FAAP100: variants seen among roughly 807,000 people sequenced by gnomAD.
FAAP100 encodes the protein FA core complex associated protein 100, also known as Fanconi anemia core complex-associated protein 100.
In FAAP100, 46 loss-of-function variants were observed where a neutral mutation model predicts 65.8. The ratio of observed to expected loss-of-function variants is 0.70; its 90% CI spans 0.55 to 0.89. The LOEUF (loss-of-function observed/expected upper bound fraction) is 0.89, where lower values mean the gene tolerates loss of function less well. FAAP100 is among the 40% of genes least tolerant of loss of function. FAAP100 has a pLI of 0.00. For missense variants in FAAP100, 1,165 were observed against 1,196.7 expected (o/e 0.97, Z 0.39); for synonymous variants, 663 against 555.1 (o/e 1.19, Z -2.73).
chr17:81,551,546 G>T (rs981243807), intron 2 of FAAP100, among the ~76,000 whole-genome samples: 2 of 152,228 alleles, frequency 1.3e-5, no homozygotes, highest in African/African-American at 2.4e-5. Flanking sequence ...CCCGGAGCTC[G>T]CTTCCTTCCA....
chr17:81,550,158 A>T, intron 3 of FAAP100, 90 bp downstream of exon 3: 1 of 1,261,698 alleles, frequency 7.9e-7, no homozygotes, highest in Non-Finnish European at 1.1e-6. Context: ...GAACAAGCCC[A>T]GGAAAGGAAG....
rs770373380 is a variant in FAAP100 at position 81,544,009 on chromosome 17, T to C, written c.2422A>G (p.Met808Val). The C allele has an allele frequency of 3.7e-6, 6 of 1,611,434 alleles. No homozygotes were observed. The highest frequency in any genetic ancestry group is 2.2e-5 in the East Asian group (1 of 44,860). The change falls in exon 7 of 9, where the codon ATG becomes GTG. Residue 808 changes from methionine (M) to valine (V), a missense_variant. Met to Val is a conservative substitution (Grantham distance 21, BLOSUM62 1). Coordinates refer to ENST00000327787, the MANE Select transcript of FAAP100 (RefSeq NM_025161.6). ...TCCCCAGCGGGCCGACATACCTGCA[T>C]GCGCCCGACAACGGCATGGTGCGCC... ...CRAHHAVVGR[M>V]QTMVTEQATQ...
upstream of FAAP100, chr17:81,552,973 T>C (rs960118060): frequency 6.5e-6 from 1 of 152,820 alleles, no homozygotes; most frequent in Non-Finnish European, 1.5e-5. Context: ...GGTTTCTGGG[T>C]TGGGGGCAGA....
chr17:81,548,101 C>T (rs1568096979), intron 4 of FAAP100: 4 of 621,136 alleles, frequency 6.4e-6, no homozygotes, highest in African/African-American at 5.5e-5. Flanking sequence ...CAGTGAAAAC[C>T]AGGGGGGTCG....
At position 81,540,623 on chromosome 17, in the gene FAAP100, T is replaced by C; in HGVS notation, c.*196A>G. 1.4e-6 allele frequency: 1 copy of C among 695,920 alleles called. No individual in the cohort carries two copies. Among genetic ancestry groups the C allele is most frequent in the Non-Finnish European group, 2.1e-6 (1 of 469,608 alleles). 43.1% of individuals were successfully genotyped at this position (695,920 alleles called of 1,614,324 possible). A position where few individuals can be genotyped will look rare whatever the true frequency, so the allele number is the denominator to read the frequency against. On this transcript the variant is annotated 3_prime_UTR_variant, in exon 9 of 9. Transcript: ENST00000327787. ...GGCCAGGTTCAGAGCCCGCCTCGGT[T>C]GCTCCCAATCAGAATCTGCTTTGTG... is the stretch of plus-strand genomic sequence containing the variant.
Position 81,547,091 on chromosome 17 carries a change from C to A in FAAP100, c.1991G>T (p.Arg664Leu). 4 of 1,532,614 alleles carry A rather than the reference C, an allele frequency of 2.6e-6. No individual in the cohort carries two copies. Among genetic ancestry groups the A allele is most frequent in the Non-Finnish European group, 3.5e-6 (4 of 1,139,810 alleles). 94.9% of individuals were successfully genotyped at this position (1,532,614 alleles called of 1,614,324 possible). ...GGTGGGGCCGAGTGGGGAGGGGGCC[C>A]GTGTGTGTGGCGGGGCCAGGCCAGG... ...RFPGLAPPHT[R>L]APSPLGPTRD... is the part of the protein sequence containing the mutation. Residue 664 changes from arginine (R) to leucine (L), a missense_variant, in exon 5 of 9, where the codon CGG (arginine) becomes CTG (leucine). Arg to Leu is a moderately radical substitution (Grantham distance 102). Coordinates refer to ENST00000327787, the MANE Select transcript of FAAP100 (RefSeq NM_025161.6).
Position 81,551,925 on chromosome 17 carries a change from C to T in FAAP100, c.290+3G>A, listed in dbSNP as rs2033509874. 1.3e-6 allele frequency: 2 copies of T among 1,548,270 alleles called. No homozygotes were observed. Among genetic ancestry groups the T allele is most frequent in the South Asian group, 1.2e-5 (1 of 84,484 alleles). On this transcript the variant is annotated splice_donor_region_variant and intron_variant, in intron 2 of 8. Transcript: ENST00000327787. ...GGGAGGGAGGCCGCGGGCCCGCCCTCACCTGCTCCTGCCCGGGTGGTCCAG... is the reference window on the plus strand; with the variant it reads ...GGGAGGGAGGCCGCGGGCCCGCCCTTACCTGCTCCTGCCCGGGTGGTCCAG...
chr17:81,542,039 C>T (rs1057138244), intron 7 of FAAP100, among the ~76,000 whole-genome samples: 9 of 149,534 alleles, frequency 6.0e-5, no homozygotes, highest in East Asian at 2.0e-4. Flanking sequence ...TAGTGGCGGG[C>T]GCCTGTAGTC....
At chr17:81,545,649 C>A in intron 6 of FAAP100, 97 bp downstream of exon 6, 1 of 1,446,848 alleles carries the variant, frequency 6.9e-7, no homozygotes, top group Non-Finnish European at 9.2e-7. Context: ...GCTGCCAGGC[C>A]CCCACCCAGG....
At chr17:81,541,466 T>G (rs1188587842) in intron 7 of FAAP100, 71 bp from the exon 8 acceptor site, 1 of 1,365,080 alleles carries the variant, frequency 7.3e-7, no homozygotes, top group Non-Finnish European at 1.0e-6. Flanking sequence ...TGGAGCAGGG[T>G]GACCCTCTCC....
chr17:81,552,875 T>C (rs2033552261), upstream of FAAP100, among the ~76,000 whole-genome samples: 1 of 150,092 alleles, frequency 6.7e-6, no homozygotes, highest in African/African-American at 2.5e-5. Flanking sequence ...GCCCCCGCGT[T>C]CAGGGCCCAG....
rs2033277340 is a variant in FAAP100 at position 81,545,779 on chromosome 17, AG to A, written c.2276del (p.Pro759LeufsTer15). 1.2e-6 allele frequency: 2 copies of A among 1,612,178 alleles called. No homozygotes were observed. Among genetic ancestry groups the A allele is most frequent in the African/African-American group, 2.7e-5 (2 of 74,918 alleles). On this transcript the variant is annotated frameshift_variant, in exon 6 of 9. Transcript: ENST00000327787. LOFTEE classifies it high-confidence loss of function. ...RALSSIQGVA[P>X]DGANVHLIVR... Reference sequence around the variant, plus strand: ...CGATGAGGTGAACGTTGGCGCCATCAGGGGCCACTCCCTGGATGGAAGATAG... The same window carrying A: ...CGATGAGGTGAACGTTGGCGCCATCAGGGCCACTCCCTGGATGGAAGATAG...
At chr17:81,544,243 G>C in intron 6 of FAAP100, 123 bp from the exon 7 acceptor site, 1 of 738,918 alleles carries the variant, frequency 1.4e-6, no homozygotes, top group Middle Eastern at 3.6e-4. Context: ...CCAACCCCCT[G>C]CCCTGGGCTG....
chr17:81,548,414 G>A (rs1266147016), intron 4 of FAAP100: 7 of 205,210 alleles, frequency 3.4e-5, no homozygotes, highest in Non-Finnish European at 5.0e-5. Context: ...ACCAAACAGT[G>A]GGACGCATGA....
rs770609192 is a variant in FAAP100 at position 81,547,430 on chromosome 17, G to C, written c.1652C>G (p.Ser551Cys). ...GGCCGAGTCCAGGTCGAGAGCACAG[G>C]AGCTGGTGAGCACCTGGATGCACAG... Reference protein sequence around the residue: ...WTLCIQVLTSSCALDLDSACS... With the variant: ...WTLCIQVLTSCCALDLDSACS... The change falls in exon 5 of 9, where the codon TCC becomes TGC. Residue 551 changes from serine to cysteine, a missense_variant. Transcript: ENST00000327787. 2.4e-5 allele frequency: 38 copies of C among 1,613,000 alleles called. No individual in the cohort carries two copies. Among genetic ancestry groups the C allele is most frequent in the Admixed American group, 3.3e-5 (2 of 60,034 alleles).
Position 81,552,326 on chromosome 17 carries a change from G to C in FAAP100, c.5C>G (p.Ala2Gly). M[A>G]GAAPRVRYLA... The stretch of plus-strand genomic sequence containing the variant: ...GTAGCGGACCCGCGGCGCGGCGCCG[G>C]CCATCGTGCGCGCGGGCCCGTCAGA... Residue 2 changes from alanine to glycine, a missense_variant, in exon 1 of 9, where the codon GCC becomes GGC. Physicochemically the swap from Ala to Gly is moderately conservative, Grantham distance 60. Transcript: ENST00000327787. 1 of 1,383,282 alleles carries C rather than the reference G, an allele frequency of 7.2e-7. No homozygotes were observed. The allele number at this position is 1,383,282 out of a possible 1,614,324, so 85.7% of individuals were successfully genotyped here.
chr17:81,548,326 G>A (rs577404580), intron 4 of FAAP100: 137 of 350,562 alleles, frequency 3.9e-4, no homozygotes, highest in African/African-American at 2.5e-3. Context: ...GACGTCTCCC[G>A]TGCCCCACTA....
intron 7 of FAAP100, 118 bp downstream of exon 7, chr17:81,543,886 C>T: frequency 1.1e-6 from 1 of 933,902 alleles, no homozygotes; most frequent in South Asian, 1.6e-5. Flanking sequence ...CTTGGATCTT[C>T]CTACAACTCC....
rs368594032 is a variant in FAAP100 at position 81,547,314 on chromosome 17, C to T, written c.1768G>A (p.Gly590Ser). 6.3e-5 allele frequency: 101 copies of T among 1,612,388 alleles called. No individual in the cohort carries two copies. Among genetic ancestry groups the T allele is most frequent in the East Asian group, 8.9e-5 (4 of 44,894 alleles). ...ACGGTCACGGGCAGGTCGAGCCCGC[C>T]GTTCTCACCAGGGCCCAGGGGTAGC... is the stretch of plus-strand genomic sequence containing the variant. ...VTLPLGPGEN[G>S]GLDLPVTVSC... is the part of the protein sequence containing the mutation. Residue 590 changes from glycine (G) to serine (S), a missense_variant, in exon 5 of 9, where the codon GGC becomes AGC. By Grantham distance (56) the Gly-to-Ser change is moderately conservative. Coordinates refer to ENST00000327787, the MANE Select transcript of FAAP100 (RefSeq NM_025161.6).
Sources: gnomAD v4.1 joint callset for allele counts (sites outside exome capture counted in the v4.1 genomes callset) on GRCh38, gnomAD v4.1.1 for gene constraint, MANE v1.5 for transcripts, NCBI Gene and HGNC (gene_info 2026-07-23, HGNC 2026-07-21) for gene names.